TMEM132D: variants seen among roughly 807,000 people sequenced by gnomAD.
TMEM132D encodes the protein mature OL transmembrane protein.
Under a neutral mutation model 62.3 loss-of-function variants are expected in TMEM132D, and 21 were observed. The ratio of observed to expected loss-of-function variants is 0.34; its 90% CI spans 0.24 to 0.49. The LOEUF (loss-of-function observed/expected upper bound fraction) is 0.49. Ranked by LOEUF, TMEM132D falls within the 20% of genes least tolerant of loss-of-function variation. The pLI is 0.99. For synonymous variants in TMEM132D, 621 were observed against 575.6 expected, an observed-to-expected ratio of 1.08 and a Z score of -1.13; for missense variants, 1,346 against 1,402.8, an observed-to-expected ratio of 0.96 and a Z score of 0.65.
At chr12:129,513,981 G>C (rs1202644781) in intron 3 of TMEM132D, among the ~76,000 whole-genome samples, 2 of 151,062 alleles carry the variant, frequency 1.3e-5, no homozygotes, top group African/African-American at 4.9e-5. Context: ...GGGACTACAG[G>C]CGCCCGCCAC....
intron 4 of TMEM132D, among the ~76,000 whole-genome samples, chr12:129,248,102 T>C (rs866607279): frequency 1.2e-4 from 19 of 152,302 alleles, no homozygotes; most frequent in African/African-American, 4.6e-4. Flanking sequence ...TTCACATAGA[T>C]TGGAATATCT....
intron 4 of TMEM132D, among the ~76,000 whole-genome samples, chr12:129,256,489 C>T (rs1040132893): frequency 6.6e-6 from 1 of 152,082 alleles, no homozygotes; most frequent in African/African-American, 2.4e-5. Context: ...GGCACAATCT[C>T]GGCTCATGGC....
chr12:129,601,612 G>A (rs1260700404), intron 2 of TMEM132D, among the ~76,000 whole-genome samples: 1 of 152,128 alleles, frequency 6.6e-6, no homozygotes, highest in Non-Finnish European at 1.5e-5. Context: ...CCATTGTAGG[G>A]TAATTAACTG....
At chr12:129,300,466 G>C (rs995549113) in intron 4 of TMEM132D, among the ~76,000 whole-genome samples, 18 of 152,198 alleles carry the variant, frequency 1.2e-4, no homozygotes, top group African/African-American at 4.1e-4. Context: ...CACCTGTTAA[G>C]GTTTTTGCTA....
At chr12:129,791,067 T>C (rs1183439637) in intron 1 of TMEM132D, among the ~76,000 whole-genome samples, 1 of 152,242 alleles carries the variant, frequency 6.6e-6, no homozygotes, top group African/African-American at 2.4e-5. Context: ...TATTTCATTC[T>C]CCACTGGAAG....
chr12:129,760,745 T>C (rs1403870860), intron 1 of TMEM132D, among the ~76,000 whole-genome samples: 2 of 151,794 alleles, frequency 1.3e-5, no homozygotes, highest in Non-Finnish European at 1.5e-5. Context: ...GCTGCACCCA[T>C]CAACCCCTCC....
At chr12:129,281,428 T>TAA (rs1029990041) in intron 4 of TMEM132D, among the ~76,000 whole-genome samples, 22 of 149,872 alleles carry the variant, frequency 1.5e-4, no homozygotes, top group Admixed American at 3.3e-4. Context: ...CTTTTTTTTT[T>TAA]AAAAAAAAAA....
intron 2 of TMEM132D, among the ~76,000 whole-genome samples, chr12:129,535,512 C>T (rs900554096): frequency 1.3e-5 from 2 of 152,202 alleles, no homozygotes; most frequent in African/African-American, 2.4e-5. Flanking sequence ...ATCCAAAGCA[C>T]TGTGTACAGA....
At chr12:129,588,197 A>G (rs1285433564) in intron 2 of TMEM132D, among the ~76,000 whole-genome samples, 1 of 152,228 alleles carries the variant, frequency 6.6e-6, no homozygotes, top group East Asian at 1.9e-4. Context: ...CATTCGCTTA[A>G]TTCCATATTC....
At chr12:129,194,158 C>G (rs961053471) in intron 5 of TMEM132D, among the ~76,000 whole-genome samples, 6 of 152,176 alleles carry the variant, frequency 3.9e-5, no homozygotes, top group African/African-American at 1.4e-4. Context: ...TTTGCTGTCC[C>G]ATTTTTTTCC....
intron 3 of TMEM132D, among the ~76,000 whole-genome samples, chr12:129,455,362 T>A (rs1239965338): frequency 6.6e-6 from 1 of 152,192 alleles, no homozygotes; most frequent in African/African-American, 2.4e-5. Context: ...TCAACTTTAA[T>A]TAAGGATAAT....
At chr12:129,625,582 C>T (rs1245938156) in intron 2 of TMEM132D, among the ~76,000 whole-genome samples, 5 of 152,248 alleles carry the variant, frequency 3.3e-5, no homozygotes, top group South Asian at 2.1e-4. Flanking sequence ...ACGATATGCT[C>T]ACAGTTTTTA....
intron 2 of TMEM132D, among the ~76,000 whole-genome samples, chr12:129,588,772 TTAGTAG>T (rs1467369381): frequency 1.4e-5 from 2 of 146,710 alleles, no homozygotes; most frequent in Non-Finnish European, 3.0e-5. Context: ...TTTTGTATTT[TTAGTAG>T]AGACAGGGTT....
At chr12:129,097,699 G>A (rs10847763) in intron 5 of TMEM132D, among the ~76,000 whole-genome samples, 60,496 of 152,106 alleles carry the variant, frequency 0.4, 12,479 homozygotes, top group African/African-American at 0.51. Context: ...TCATAGTCTA[G>A]AGTTATCTCC....
chr12:129,270,509 G>C (rs1441102114), intron 4 of TMEM132D, among the ~76,000 whole-genome samples: 3 of 152,168 alleles, frequency 2.0e-5, no homozygotes, highest in Admixed American at 2.0e-4. Flanking sequence ...CCAATGTACC[G>C]TACGTACACA....
intron 4 of TMEM132D, among the ~76,000 whole-genome samples, chr12:129,236,440 A>G (rs1456760043): frequency 1.4e-5 from 2 of 145,106 alleles, no homozygotes; most frequent in African/African-American, 5.2e-5. Flanking sequence ...GCTTGAACCT[A>G]GGAGGCGGAG....
chr12:129,331,117 T>C (rs1371740577), intron 4 of TMEM132D, among the ~76,000 whole-genome samples: 1 of 152,232 alleles, frequency 6.6e-6, no homozygotes, highest in East Asian at 1.9e-4. Context: ...GGATGTGGCA[T>C]GGGAGCTGGG....
chr12:129,382,548 C>T (rs1870980904), intron 3 of TMEM132D, among the ~76,000 whole-genome samples: 1 of 152,178 alleles, frequency 6.6e-6, no homozygotes, highest in Non-Finnish European at 1.5e-5. Context: ...CATTTGATAA[C>T]AGACACCATA....
intron 4 of TMEM132D, among the ~76,000 whole-genome samples, chr12:129,333,312 A>G (rs938628870): frequency 6.6e-6 from 1 of 152,222 alleles, no homozygotes; most frequent in African/African-American, 2.4e-5. Context: ...AATATTGCAT[A>G]TCCTTTGATT....
Sources: allele counts gnomAD v4.1 joint callset (sites outside exome capture counted in the v4.1 genomes callset), GRCh38; gene constraint gnomAD v4.1.1; transcripts MANE v1.5; gene names NCBI Gene and HGNC (gene_info 2026-07-23, HGNC 2026-07-21).